Variants in SH3BGR observed in about 807,000 individuals in gnomAD.
SH3BGR encodes SH3 domain-binding glutamic acid-rich protein.
Under a neutral mutation model 24.5 loss-of-function variants are expected in SH3BGR, and 29 were observed. That is an observed-to-expected ratio of 1.18 (90% CI 0.88 to 1.61). The LOEUF is 1.61. Among genes scored for constraint, SH3BGR ranks in the 40% most tolerant of loss-of-function variants. The pLI, the probability that SH3BGR is intolerant of heterozygous loss-of-function variation, is 0.00. For synonymous variants in SH3BGR, 55 were observed against 65.7 expected (o/e 0.84, Z 0.79); for missense variants, 162 against 205.8 (o/e 0.79, Z 1.30).
intron 2 of SH3BGR, 32 bp downstream of exon 2, chr21:39,462,592 GT>G (rs1475221716): frequency 7.0e-7 from 1 of 1,419,288 alleles, no homozygotes; most frequent in African/African-American, 1.5e-5. Context: ...AAATCCTGCT[GT>G]GTGTGTGTTT....
chr21:39,494,340 T>G (rs1421686202), intron 3 of SH3BGR, among the ~76,000 whole-genome samples: 1 of 151,928 alleles, frequency 6.6e-6, no homozygotes, highest in Non-Finnish European at 1.5e-5. Flanking sequence ...TTCCATCTGG[T>G]GTCATTTTCT....
At position 39,515,306 on chromosome 21, in the gene SH3BGR, T is replaced by A. The variant is rs940490829; in HGVS notation, c.*253T>A. 7.9e-6 allele frequency: 2 copies of A among 252,312 alleles called. No homozygotes were observed. Among genetic ancestry groups the A allele is most frequent in the East Asian group, 1.1e-4 (1 of 8,756 alleles). The allele number at this position is 252,312 out of a possible 1,614,324, so 15.6% of individuals were successfully genotyped here. The stretch of plus-strand genomic sequence containing the variant: ...CTGACAGTCTTGGCTTTTGAAGATT[T>A]TTTTTTCTTTTTTGCTCTGCATAGC... On this transcript the variant is annotated 3_prime_UTR_variant, in exon 7 of 7. Transcript: ENST00000333634.
intron 6 of SH3BGR, among the ~76,000 whole-genome samples, chr21:39,514,115 G>A (rs1013937699): frequency 6.6e-6 from 1 of 152,270 alleles, no homozygotes; most frequent in South Asian, 2.1e-4. Flanking sequence ...AAACCAGGCA[G>A]CACCCTAAAT....
intron 3 of SH3BGR, among the ~76,000 whole-genome samples, chr21:39,493,525 C>G (rs1379245374): frequency 1.3e-5 from 2 of 151,948 alleles, no homozygotes; most frequent in Non-Finnish European, 2.9e-5. Flanking sequence ...TGGCCTTATA[C>G]TATAGTTTGA....
At chr21:39,453,164 G>A (rs972268862) in intron 1 of SH3BGR, among the ~76,000 whole-genome samples, 17 of 152,226 alleles carry the variant, frequency 1.1e-4, no homozygotes, top group Admixed American at 6.5e-4. Context: ...ACCACTCCCA[G>A]CCCCGAAAGT....
At chr21:39,483,126 GAC>G (rs1453419516) in intron 3 of SH3BGR, among the ~76,000 whole-genome samples, 1 of 152,188 alleles carries the variant, frequency 6.6e-6, no homozygotes, top group Non-Finnish European at 1.5e-5. Context: ...AAGGCAGAAA[GAC>G]ACACAAATGG....
intron 2 of SH3BGR, among the ~76,000 whole-genome samples, chr21:39,465,875 G>A (rs1251137555): frequency 6.6e-6 from 1 of 152,204 alleles, no homozygotes; most frequent in Non-Finnish European, 1.5e-5. Context: ...ATAGGTGTGA[G>A]CTGCTGTGCC....
At chr21:39,502,985 CT>C (rs146995231) in intron 4 of SH3BGR, among the ~76,000 whole-genome samples, 2,687 of 146,380 alleles carry the variant, frequency 0.018, 70 homozygotes, top group African/African-American at 0.06. Context: ...ATTCCAAGCT[CT>C]TTTTTTTTTT....
At chr21:39,487,167 G>C (rs922269571) in intron 3 of SH3BGR, among the ~76,000 whole-genome samples, 2 of 152,074 alleles carry the variant, frequency 1.3e-5, no homozygotes, top group African/African-American at 2.4e-5. Flanking sequence ...TTTTGAGGCA[G>C]GTTCTTGCTC....
At chr21:39,465,696 T>C (rs1037931041) in intron 2 of SH3BGR, among the ~76,000 whole-genome samples, 2 of 152,160 alleles carry the variant, frequency 1.3e-5, no homozygotes, top group African/African-American at 4.8e-5. Flanking sequence ...GCTCAAGCGA[T>C]CCTCCTGTGT....
upstream of SH3BGR, among the ~76,000 whole-genome samples, chr21:39,447,232 C>T (rs558883370): frequency 2.6e-5 from 4 of 152,078 alleles, no homozygotes; most frequent in South Asian, 8.3e-4. Flanking sequence ...GGCCCCATGA[C>T]AGTAACGAGA....
At chr21:39,455,348 C>T (rs906143795) in intron 1 of SH3BGR, among the ~76,000 whole-genome samples, 1 of 152,230 alleles carries the variant, frequency 6.6e-6, no homozygotes, top group African/African-American at 2.4e-5. Flanking sequence ...TGTAGAGCCA[C>T]TACTCAGGAC....
intron 3 of SH3BGR, among the ~76,000 whole-genome samples, chr21:39,487,059 A>T (rs567859362): frequency 2.0e-5 from 3 of 152,294 alleles, no homozygotes; most frequent in African/African-American, 4.8e-5. Context: ...GGGGAATATT[A>T]TTATATCAAT....
At chr21:39,490,790 A>G (rs1263831787) in intron 3 of SH3BGR, among the ~76,000 whole-genome samples, 1 of 148,482 alleles carries the variant, frequency 6.7e-6, no homozygotes, top group Non-Finnish European at 1.5e-5. Context: ...GTGCGGTGGC[A>G]TGATCATAGC....
intron 1 of SH3BGR, among the ~76,000 whole-genome samples, chr21:39,452,872 A>G (rs1243254846): frequency 6.6e-6 from 1 of 152,236 alleles, no homozygotes; most frequent in Non-Finnish European, 1.5e-5. Flanking sequence ...CTCTTTGGAA[A>G]TGGGTCAGAC....
intron 3 of SH3BGR, among the ~76,000 whole-genome samples, chr21:39,483,889 G>T (rs576855666): frequency 1.3e-5 from 2 of 152,304 alleles, no homozygotes; most frequent in Admixed American, 1.3e-4. Context: ...ACTTGGTATT[G>T]GAAGATTTAG....
At chr21:39,471,239 T>C (rs946213586) in intron 2 of SH3BGR, among the ~76,000 whole-genome samples, 1 of 152,158 alleles carries the variant, frequency 6.6e-6, no homozygotes, top group Non-Finnish European at 1.5e-5. Flanking sequence ...GAATTATTGA[T>C]TGGGCTTCCT....
rs1470552316 is a variant in SH3BGR at position 39,511,113 on chromosome 21, T to C, written c.436-567T>C. Among the ~76,000 whole-genome samples the C allele has an allele frequency of 2.0e-5, 3 of 151,484 alleles. No individual in the cohort carries two copies. The highest frequency in any genetic ancestry group is 4.4e-5 in the Non-Finnish European group (3 of 67,854). On this transcript the variant is annotated intron_variant, in intron 5 of 6. Coordinates refer to ENST00000333634, the MANE Select transcript of SH3BGR (RefSeq NM_007341.3). This position sits in a 1 kb window ranked among gnomAD's most constrained non-coding sequence, Gnocchi z 4.2. ...AGAAGGATGATTTTTTTTATGTGTG[T>C]GTATGTATGTGTGGTATGTGTGGTG...
chr21:39,499,402 CATCCATCCATTT>C (rs1390157186), intron 3 of SH3BGR, among the ~76,000 whole-genome samples: 1 of 152,156 alleles, frequency 6.6e-6, no homozygotes, highest in Non-Finnish European at 1.5e-5. Context: ...TCCATCCATG[CATCCATCCATTT>C]ATCCATCTAT....
Sources: allele counts gnomAD v4.1 joint callset (sites outside exome capture counted in the v4.1 genomes callset), GRCh38; gene constraint gnomAD v4.1.1; non-coding constraint Gnocchi (gnomAD v3.1); transcripts MANE v1.5; gene names NCBI Gene and HGNC (gene_info 2026-07-23, HGNC 2026-07-21).